Variants in ABHD2 observed in about 807,000 individuals in gnomAD.
The protein encoded by ABHD2 is monoacylglycerol lipase ABHD2.
In ABHD2, 20 loss-of-function variants were observed where a neutral mutation model predicts 48.1. The observed-to-expected ratio is 0.42, with a 90% CI of 0.29 to 0.60. ABHD2 has a LOEUF of 0.60. ABHD2 is among the 20% of genes least tolerant of loss of function. ABHD2 has a pLI of 0.24. For synonymous variants in ABHD2, 209 were observed against 214.2 expected, an observed-to-expected ratio of 0.98 and a Z score of 0.21; for missense variants, 405 against 550.9, an observed-to-expected ratio of 0.74 and a Z score of 2.65.
At chr15:89,048,662 T>A in the ABHD2 span, among the ~76,000 whole-genome samples, 1 of 152,124 alleles carries the variant, frequency 6.6e-6, no homozygotes, top group African/African-American at 2.4e-5. Flanking sequence ...CTTCCATCAC[T>A]GATACCCTTT....
chr15:89,163,610 C>T (rs1324838354), intron 5 of ABHD2, among the ~76,000 whole-genome samples: 1 of 152,210 alleles, frequency 6.6e-6, no homozygotes, highest in Non-Finnish European at 1.5e-5. Context: ...TAACTTAATA[C>T]CACCTCTGTG....
At chr15:89,180,668 C>T (rs535373723) in intron 6 of ABHD2, among the ~76,000 whole-genome samples, 3 of 152,270 alleles carry the variant, frequency 2.0e-5, no homozygotes, top group Non-Finnish European at 2.9e-5. Context: ...CCCAGAGGCC[C>T]GGCTGTGCAA....
chr15:89,043,797 T>A, the ABHD2 span, among the ~76,000 whole-genome samples: 1 of 152,060 alleles, frequency 6.6e-6, no homozygotes, highest in East Asian at 1.9e-4. Context: ...TTGAAGGCAA[T>A]CTACAAGGTA....
rs182056335 is a variant in ABHD2, at chr15:89,117,259, C to T, written c.194+738C>T. The stretch of plus-strand genomic sequence containing the variant: ...CAGGCTGGTCTTGAACTCCTGACCT[C>T]AAGTGATCTGCCCGCCTTGGCCTCC... On this transcript the variant is annotated intron_variant, in intron 3 of 10. Coordinates refer to ENST00000352732, the MANE Select transcript of ABHD2 (RefSeq NM_152924.5). 3.3e-4 allele frequency among the ~76,000 whole-genome samples: 50 copies of T among 152,320 alleles called. 1 individual carries two copies. The East Asian group carries it at 5.4e-3, about 16-fold the overall frequency.
At chr15:89,096,362 G>T (rs967982347) in intron 1 of ABHD2, among the ~76,000 whole-genome samples, 3 of 152,216 alleles carry the variant, frequency 2.0e-5, no homozygotes, top group African/African-American at 7.2e-5. Context: ...TACTGTTTGT[G>T]CATTTTAAGA....
chr15:89,181,683 T>C (rs2051117507), intron 6 of ABHD2, among the ~76,000 whole-genome samples: 1 of 152,238 alleles, frequency 6.6e-6, no homozygotes, highest in South Asian at 2.1e-4. Context: ...CTGAATTCAC[T>C]TGGGTACCAT....
chr15:89,187,007 A>G (rs2051221702), intron 7 of ABHD2, among the ~76,000 whole-genome samples: 1 of 152,134 alleles, frequency 6.6e-6, no homozygotes, highest in African/African-American at 2.4e-5. Flanking sequence ...CACTTGGCTC[A>G]TGTTGTTTGA....
chr15:89,162,703 C>T (rs1194660710), intron 5 of ABHD2, among the ~76,000 whole-genome samples: 1 of 152,156 alleles, frequency 6.6e-6, no homozygotes, highest in African/African-American at 2.4e-5. Context: ...CCCCCCAACC[C>T]CAGTCATTAT....
chr15:89,066,084 T>A, the ABHD2 span, among the ~76,000 whole-genome samples: 1 of 152,196 alleles, frequency 6.6e-6, no homozygotes, highest in African/African-American at 2.4e-5. Flanking sequence ...TTGTGACCAT[T>A]CCTCTATATC....
At chr15:89,123,970 C>G (rs1044851344) in intron 3 of ABHD2, among the ~76,000 whole-genome samples, 3 of 152,202 alleles carry the variant, frequency 2.0e-5, no homozygotes, top group African/African-American at 7.2e-5. Flanking sequence ...ACAGTACCAA[C>G]TCCCTCTCTA....
rs114394521 is a variant in ABHD2 at position 89,167,210 on chromosome 15, T to C, written c.539-8602T>C. Among the ~76,000 whole-genome samples the C allele has an allele frequency of 3.1e-3, 471 of 152,294 alleles. 2 individuals are homozygous for C. The highest frequency in any genetic ancestry group is 0.011 in the African/African-American group (446 of 41,564). On this transcript the variant is annotated intron_variant, in intron 5 of 10. Transcript: ENST00000352732. This position sits in a 1 kb window ranked among gnomAD's most constrained non-coding sequence, Gnocchi z 5.5. Reference sequence around the variant, plus strand: ...TCTTCTATTAGATCATAAACATAGGTGTTTCGATAAGCTTCTCATATCTAC... The same window carrying C: ...TCTTCTATTAGATCATAAACATAGGCGTTTCGATAAGCTTCTCATATCTAC...
chr15:89,171,734 TGAGA>T (rs962507496), intron 5 of ABHD2, among the ~76,000 whole-genome samples: 1 of 152,118 alleles, frequency 6.6e-6, no homozygotes, highest in African/African-American at 2.4e-5. Context: ...GGCCCAGAGA[TGAGA>T]GAGTGCTTCA....
the ABHD2 span, among the ~76,000 whole-genome samples, chr15:89,048,013 G>C: frequency 6.6e-6 from 1 of 151,456 alleles, no homozygotes; most frequent in Non-Finnish European, 1.5e-5. Context: ...TACATTTTGG[G>C]CATGATTTTG....
intron 3 of ABHD2, among the ~76,000 whole-genome samples, chr15:89,131,282 C>G (rs908609258): frequency 1.1e-4 from 16 of 152,236 alleles, no homozygotes; most frequent in African/African-American, 3.6e-4. Context: ...ACTGCATGTT[C>G]TCTCTTGACT....
chr15:89,062,519 G>A, the ABHD2 span, among the ~76,000 whole-genome samples: 1 of 152,146 alleles, frequency 6.6e-6, no homozygotes, highest in East Asian at 1.9e-4. Flanking sequence ...AGCCTCCTGA[G>A]TAGCTGGGAG....
intron 10 of ABHD2, among the ~76,000 whole-genome samples, chr15:89,194,038 C>T (rs181859005): frequency 6.6e-6 from 1 of 152,098 alleles, no homozygotes; most frequent in East Asian, 1.9e-4. Context: ...CTGCAGCAAG[C>T]TATGATTGTG....
chr15:89,084,930 A>T (rs76548998), upstream of ABHD2, among the ~76,000 whole-genome samples: 977 of 152,300 alleles, frequency 6.4e-3, 5 homozygotes, highest in African/African-American at 0.022. The surrounding 1 kb of genome is among the most constrained non-coding windows in gnomAD (Gnocchi z 4.4). Context: ...GGAAGGATGG[A>T]ATCAGGATCC....
intron 1 of ABHD2, among the ~76,000 whole-genome samples, chr15:89,103,142 G>A (rs1413219472): frequency 1.3e-5 from 2 of 152,190 alleles, no homozygotes; most frequent in Admixed American, 1.3e-4. Flanking sequence ...TATCCTCAAT[G>A]CAAAGATGTG....
chr15:89,183,285 A>G (rs1011306309), intron 6 of ABHD2: 1 of 142,176 alleles, frequency 7.0e-6, no homozygotes, highest in Admixed American at 7.3e-5. Context: ...TGATTTGTCT[A>G]TGTTTCTTTT....
Sources: allele counts gnomAD v4.1 joint callset (sites outside exome capture counted in the v4.1 genomes callset), GRCh38; gene constraint gnomAD v4.1.1; non-coding constraint Gnocchi (gnomAD v3.1); transcripts MANE v1.5; gene names NCBI Gene and HGNC (gene_info 2026-07-23, HGNC 2026-07-21).